The following PTPN3 variants were observed in gnomAD, a reference collection of about 807,000 sequenced individuals.
PTPN3 encodes the protein tyrosine-protein phosphatase non-receptor type 3.
A neutral mutation model predicts 132.7 loss-of-function variants in PTPN3; 96 were observed. The observed-to-expected ratio is 0.72, with a 90% CI of 0.61 to 0.86. The LOEUF (loss-of-function observed/expected upper bound fraction) is 0.86, where lower values mean the gene tolerates loss of function less well. PTPN3 is among the 40% of genes least tolerant of loss of function. PTPN3 has a pLI of 0.00. For missense variants in PTPN3, 1,125 were observed against 1,159.6 expected, an observed-to-expected ratio of 0.97 and a Z score of 0.43; for synonymous variants, 398 against 429.0, an observed-to-expected ratio of 0.93 and a Z score of 0.89.
At chr9:109,395,020 G>A (rs1205302080) in intron 19 of PTPN3, among the ~76,000 whole-genome samples, 3 of 151,770 alleles carry the variant, frequency 2.0e-5, no homozygotes, top group African/African-American at 4.8e-5. Flanking sequence ...GGCGCCTGTA[G>A]TCCCAGCTAC....
At chr9:109,481,267 G>A (rs989628263) in intron 1 of PTPN3, among the ~76,000 whole-genome samples, 1 of 152,128 alleles carries the variant, frequency 6.6e-6, no homozygotes, top group Non-Finnish European at 1.5e-5. Flanking sequence ...AGAGCCCACC[G>A]AACACAGGTC....
intron 19 of PTPN3, among the ~76,000 whole-genome samples, chr9:109,398,931 G>A (rs1032799740): frequency 6.6e-6 from 1 of 152,112 alleles, no homozygotes; most frequent in African/African-American, 2.4e-5. Flanking sequence ...GGTAATTTTG[G>A]GGTCAGTGTG....
chr9:109,415,324 G>A (rs745607579), intron 14 of PTPN3, among the ~76,000 whole-genome samples: 2 of 152,186 alleles, frequency 1.3e-5, no homozygotes, highest in Non-Finnish European at 2.9e-5. Context: ...GCCAGGAGAG[G>A]CTTCCTGGAG....
intron 1 of PTPN3, among the ~76,000 whole-genome samples, chr9:109,493,885 G>A (rs1456218394): frequency 6.6e-6 from 1 of 152,228 alleles, no homozygotes; most frequent in Non-Finnish European, 1.5e-5. Flanking sequence ...GTACCTGGGA[G>A]GCAGCCTGGC....
chr9:109,461,949 C>T (rs3935949), intron 2 of PTPN3, among the ~76,000 whole-genome samples: 49,735 of 152,056 alleles, frequency 0.33, 8,885 homozygotes, highest in African/African-American at 0.44. Context: ...CACAGGTATA[C>T]GTTGTAGCCC....
the PTPN3 span, among the ~76,000 whole-genome samples, chr9:109,510,349 G>A: frequency 2.2e-4 from 33 of 151,528 alleles, no homozygotes; most frequent in African/African-American, 6.5e-4. Flanking sequence ...ACCTGAGGTC[G>A]GGAATTCGAG....
chr9:109,432,930 A>C (rs1843765894), intron 10 of PTPN3, 143 bp downstream of exon 10: 2 of 1,381,452 alleles, frequency 1.4e-6, no homozygotes, highest in Non-Finnish European at 1.9e-6. Flanking sequence ...ATCTGGACCA[A>C]ATTTAGAGGT....
At chr9:109,400,272 T>C (rs990154786) in intron 19 of PTPN3, among the ~76,000 whole-genome samples, 8 of 152,218 alleles carry the variant, frequency 5.3e-5, no homozygotes, top group African/African-American at 1.7e-4. Context: ...CTACAGACTC[T>C]TGGAGCCTCC....
chr9:109,460,038 C>T (rs1348150924), intron 2 of PTPN3, among the ~76,000 whole-genome samples: 4 of 152,134 alleles, frequency 2.6e-5, no homozygotes, highest in Non-Finnish European at 4.4e-5. Flanking sequence ...TCTTCTATCT[C>T]GTACCATTCC....
In PTPN3 at chr9:109,424,562, C is replaced by T. The variant is rs568564771; in HGVS notation, c.1002-1710G>A. Among the ~76,000 whole-genome samples the T allele has an allele frequency of 4.6e-5, 7 of 152,354 alleles. No individual in the cohort carries two copies. In the South Asian group the frequency reaches 1.5e-3, roughly 32 times the overall value. The stretch of plus-strand genomic sequence containing the variant: ...ACGGTTCTGCCTTTCGCTCCTGGAA[C>T]CCTGAGTGTCCATGTAAGAAATTCA... On this transcript the variant is annotated intron_variant, in intron 12 of 25. Transcript: ENST00000374541.
Position 109,445,421 on chromosome 9 carries a change from A to C in PTPN3, c.414-129T>G. On this transcript the variant is annotated intron_variant, in intron 6 of 25. Coordinates refer to ENST00000374541, the MANE Select transcript of PTPN3 (RefSeq NM_002829.4). ...CCATTACAAAACAACATGAATTGTA[A>C]CAAAAGCAACTTTATGCTGCACATA... The C allele has an allele frequency of 4.8e-6, 4 of 839,876 alleles. No individual in the cohort carries two copies. The South Asian group carries it at 6.2e-5, about 13-fold the overall frequency. The allele number at this position is 839,876 out of a possible 1,614,324, so 52.0% of individuals were successfully genotyped here.
At chr9:109,383,009 C>G (rs1374013793) in intron 23 of PTPN3, among the ~76,000 whole-genome samples, 1 of 152,206 alleles carries the variant, frequency 6.6e-6, no homozygotes, top group Non-Finnish European at 1.5e-5. Context: ...CTTTCTGTCT[C>G]TATGAATTGG....
the PTPN3 span, among the ~76,000 whole-genome samples, chr9:109,509,412 G>A: frequency 6.6e-6 from 1 of 152,122 alleles, no homozygotes; most frequent in Non-Finnish European, 1.5e-5. Context: ...TGATTACCTA[G>A]ATAGGCTCAG....
chr9:109,497,458 A>G lies in PTPN3; in HGVS notation c.-18+761T>C, dbSNP rs114312189. Among the ~76,000 whole-genome samples the G allele has an allele frequency of 6.0e-3, 913 of 152,276 alleles. 10 individuals carry two copies. Among genetic ancestry groups the G allele is most frequent in the African/African-American group, 0.021 (869 of 41,568 alleles). On this transcript the variant is annotated intron_variant, in intron 1 of 25. Transcript: ENST00000374541. ...CACCAGCTGGCCAAGGGGGAGCCCA[A>G]CTTGAACGGAGGTCTCCAGTTTCCA...
chr9:109,392,199 T>C (rs1363039250), intron 19 of PTPN3, among the ~76,000 whole-genome samples: 1 of 152,212 alleles, frequency 6.6e-6, no homozygotes, highest in Non-Finnish European at 1.5e-5. Flanking sequence ...AGATATTAAT[T>C]GTATTCTTAT....
In PTPN3 at chr9:109,451,728, T is replaced by C. The variant is rs371667944; in HGVS notation, c.368+2768A>G. On this transcript the variant is annotated intron_variant, in intron 5 of 25. Coordinates refer to ENST00000374541, the MANE Select transcript of PTPN3 (RefSeq NM_002829.4). ...ACAGCGTATGGAAGTGGATGGCCAA[T>C]GGCCAGGATGGGCCCTGGAGACAAA... 9.9e-5 allele frequency among the ~76,000 whole-genome samples: 15 copies of C among 152,264 alleles called. 1 individual carries two copies. Among genetic ancestry groups the C allele is most frequent in the South Asian group, 4.2e-4 (2 of 4,784 alleles).
At chr9:109,533,126 A>ATTTTT in the PTPN3 span, among the ~76,000 whole-genome samples, 2,468 of 36,502 alleles carry the variant, frequency 0.068, 483 homozygotes, top group East Asian at 0.088. Context: ...TACCTGGCTA[A>ATTTTT]TTTTTTTTTT....
chr9:109,500,342 A>G (rs1438830063), upstream of PTPN3, among the ~76,000 whole-genome samples: 1 of 152,180 alleles, frequency 6.6e-6, no homozygotes, highest in Non-Finnish European at 1.5e-5. Context: ...CTTTTCCCAC[A>G]GCTAACAGCT....
intron 12 of PTPN3, among the ~76,000 whole-genome samples, chr9:109,425,905 T>C (rs1843234705): frequency 6.6e-6 from 1 of 150,622 alleles, no homozygotes; most frequent in Non-Finnish European, 1.5e-5. Context: ...TCCTAGCTAC[T>C]CGGGAGGCTG....
Sources: gnomAD v4.1 joint callset for allele counts (sites outside exome capture counted in the v4.1 genomes callset) on GRCh38, gnomAD v4.1.1 for gene constraint, MANE v1.5 for transcripts, NCBI Gene and HGNC (gene_info 2026-07-23, HGNC 2026-07-21) for gene names.